The following HIBADH variants were observed in gnomAD, a reference collection of about 807,000 sequenced individuals.
HIBADH encodes the protein 3-hydroxyisobutyrate dehydrogenase, mitochondrial.
HIBADH carries 25 observed loss-of-function variants against 36.1 expected under a neutral mutation model. The observed-to-expected ratio is 0.69, with a 90% confidence interval of 0.50 to 0.97. HIBADH has a LOEUF of 0.97. Among genes scored for constraint, HIBADH ranks in the 50% least tolerant of loss-of-function variants. The pLI is 0.00. For missense variants in HIBADH, 421 were observed against 418.0 expected, an observed-to-expected ratio of 1.01 and a Z score of -0.06; for synonymous variants, 160 against 149.5, an observed-to-expected ratio of 1.07 and a Z score of -0.51.
chr7:27,662,732 C>G lies in HIBADH; in HGVS notation c.57G>C (p.Arg19=). The G allele has an allele frequency of 7.2e-7, 1 of 1,394,602 alleles. No homozygotes were observed. The highest frequency in any genetic ancestry group is 9.4e-7 in the Non-Finnish European group (1 of 1,068,698). The allele number at this position is 1,394,602 out of a possible 1,614,324, so 86.4% of individuals were successfully genotyped here. The change falls in exon 1 of 8, where the codon CGG becomes CGC. Residue 19 remains arginine, a synonymous_variant. Transcript: ENST00000265395. ...GAASGLRYWS[R]RLRPAAGSFA... ...AGCTGCCGGCTGCCGGCCGCAGCCG[C>G]CGGCTCCAGTACCGGAGACCGGAGG...
At chr7:27,629,731 A>G (rs887547451) in intron 3 of HIBADH, among the ~76,000 whole-genome samples, 4 of 152,168 alleles carry the variant, frequency 2.6e-5, no homozygotes, top group African/African-American at 4.8e-5. Context: ...ATAAAACCTA[A>G]TATACTACAT....
chr7:27,602,151 T>C (rs746316103), intron 4 of HIBADH, among the ~76,000 whole-genome samples: 3 of 151,508 alleles, frequency 2.0e-5, no homozygotes, highest in Non-Finnish European at 4.4e-5. Flanking sequence ...TGTGCCTTCC[T>C]GAGACTCAAC....
chr7:27,619,468 T>A (rs533666680), intron 4 of HIBADH, among the ~76,000 whole-genome samples: 203 of 152,350 alleles, frequency 1.3e-3, no homozygotes, highest in African/African-American at 4.6e-3. Context: ...TTTTAATTTT[T>A]AAAAATCTTC....
intron 4 of HIBADH, among the ~76,000 whole-genome samples, chr7:27,592,356 A>G (rs1784951708): frequency 6.6e-6 from 1 of 152,206 alleles, no homozygotes; most frequent in Non-Finnish European, 1.5e-5. Flanking sequence ...GCTGGATGAA[A>G]GAATGTTTAA....
intron 6 of HIBADH, among the ~76,000 whole-genome samples, chr7:27,534,038 T>C (rs1454724825): frequency 6.6e-6 from 1 of 152,212 alleles, no homozygotes; most frequent in Admixed American, 6.5e-5. Context: ...ATAAACAGAA[T>C]GAATTCATCG....
chr7:27,546,447 TA>T (rs1209292813), intron 4 of HIBADH, among the ~76,000 whole-genome samples: 2 of 152,180 alleles, frequency 1.3e-5, no homozygotes, highest in African/African-American at 2.4e-5. Flanking sequence ...AAGGGCTTAC[TA>T]CTTTTTAACT....
chr7:27,579,300 A>G (rs181312078), intron 4 of HIBADH, among the ~76,000 whole-genome samples: 67 of 152,306 alleles, frequency 4.4e-4, no homozygotes, highest in Admixed American at 2.0e-3. Flanking sequence ...AACAAAAATT[A>G]TGTGGCACGG....
At chr7:27,605,515 G>A (rs72596952) in intron 4 of HIBADH, among the ~76,000 whole-genome samples, 21,766 of 106,462 alleles carry the variant, frequency 0.2, 3,327 homozygotes, top group East Asian at 0.55. Context: ...GCCACATGGT[G>A]GGGGGCGGGG....
At chr7:27,648,922 T>G (rs986892400) in intron 2 of HIBADH, among the ~76,000 whole-genome samples, 1 of 152,202 alleles carries the variant, frequency 6.6e-6, no homozygotes, top group African/African-American at 2.4e-5. Flanking sequence ...TGCTGCCATA[T>G]GATGTTTTCA....
chr7:27,574,637 C>T (rs989677601), intron 4 of HIBADH, among the ~76,000 whole-genome samples: 14 of 152,014 alleles, frequency 9.2e-5, no homozygotes, highest in Admixed American at 2.6e-4. Context: ...GTTATGCACA[C>T]CTCCCCCTCT....
intron 2 of HIBADH, among the ~76,000 whole-genome samples, chr7:27,644,683 C>T (rs866443965): frequency 2.1e-4 from 31 of 150,580 alleles, no homozygotes; most frequent in African/African-American, 6.6e-4. Flanking sequence ...AAGAATCACT[C>T]GAACCCAGGA....
At position 27,534,977 on chromosome 7, in the gene HIBADH, A is replaced by G. The variant is rs1784051998; in HGVS notation, c.695+3364T>C. Among the ~76,000 whole-genome samples the G allele has an allele frequency of 2.7e-5, 4 of 149,522 alleles. No individual in the cohort carries two copies. The South Asian group carries it at 8.6e-4, about 32-fold the overall frequency. On this transcript the variant is annotated intron_variant, in intron 6 of 7. Transcript: ENST00000265395. ...TGTGGGACAGCTTGAATGCAGACCT[A>G]CATGTATGCCCAAATGCCATCGTAC...
chr7:27,581,795 T>C (rs1784796560), intron 4 of HIBADH, among the ~76,000 whole-genome samples: 1 of 152,042 alleles, frequency 6.6e-6, no homozygotes, highest in Non-Finnish European at 1.5e-5. Flanking sequence ...GAATATCATT[T>C]TTCCATTCTC....
intron 4 of HIBADH, among the ~76,000 whole-genome samples, chr7:27,591,714 G>A (rs1276463259): frequency 1.3e-5 from 2 of 152,196 alleles, no homozygotes; most frequent in Admixed American, 1.3e-4. Context: ...TTTTCTAAAA[G>A]TACAACTAAA....
At chr7:27,650,972 T>C (rs1413429701) in intron 1 of HIBADH, among the ~76,000 whole-genome samples, 11 of 152,170 alleles carry the variant, frequency 7.2e-5, no homozygotes, top group African/African-American at 2.4e-4. Context: ...GTATGGTCCC[T>C]GTCCTTTAAA....
At chr7:27,582,045 CA>C (rs1172019250) in intron 4 of HIBADH, among the ~76,000 whole-genome samples, 2 of 151,980 alleles carry the variant, frequency 1.3e-5, no homozygotes, top group Non-Finnish European at 2.9e-5. Flanking sequence ...AATCAGAGGC[CA>C]AAAAGACTTC....
chr7:27,547,001 C>T (rs976734911), intron 4 of HIBADH, among the ~76,000 whole-genome samples: 2 of 152,132 alleles, frequency 1.3e-5, no homozygotes, highest in African/African-American at 4.8e-5. Flanking sequence ...CTAGTTCACC[C>T]AGCTCATGTT....
intron 4 of HIBADH, among the ~76,000 whole-genome samples, chr7:27,597,406 T>C (rs1342792702): frequency 5.3e-5 from 8 of 151,674 alleles, no homozygotes; most frequent in Non-Finnish European, 1.2e-4. Flanking sequence ...TGATTATTAT[T>C]GGGTACCAAA....
intron 4 of HIBADH, among the ~76,000 whole-genome samples, chr7:27,597,706 G>C (rs1379708567): frequency 6.6e-6 from 1 of 152,166 alleles, no homozygotes; most frequent in East Asian, 1.9e-4. Flanking sequence ...AGGGGCTTAA[G>C]ACTGCAGATG....
Sources: allele counts gnomAD v4.1 joint callset (sites outside exome capture counted in the v4.1 genomes callset), GRCh38; gene constraint gnomAD v4.1.1; transcripts MANE v1.5; gene names NCBI Gene and HGNC (gene_info 2026-07-23, HGNC 2026-07-21).